The following PRKCB variants were observed in gnomAD, a reference collection of about 807,000 sequenced individuals.
PRKCB encodes protein kinase C beta.
In PRKCB, 13 loss-of-function variants were observed where a neutral mutation model predicts 81.5. That is an observed-to-expected ratio of 0.16 (90% CI 0.10 to 0.25). PRKCB has a LOEUF of 0.25. PRKCB is among the 10% of genes least tolerant of loss of function. The probability of loss-of-function intolerance (pLI) is 1.00; values close to 1 mark genes in which losing one functional copy is unlikely to be tolerated. For missense variants in PRKCB, 509 were observed against 875.7 expected, an observed-to-expected ratio of 0.58 and a Z score of 5.29; for synonymous variants, 335 against 321.4, an observed-to-expected ratio of 1.04 and a Z score of -0.45.
intron 2 of PRKCB, among the ~76,000 whole-genome samples, chr16:23,948,820 T>A (rs778454258): frequency 6.6e-6 from 1 of 152,214 alleles, no homozygotes; most frequent in Non-Finnish European, 1.5e-5. Context: ...CCACTGTCGA[T>A]AAGTGGAGGC....
intron 2 of PRKCB, among the ~76,000 whole-genome samples, chr16:23,945,468 C>G (rs556371452): frequency 6.6e-6 from 1 of 152,246 alleles, no homozygotes; most frequent in Non-Finnish European, 1.5e-5. Flanking sequence ...GCCGGCAGCC[C>G]TTCTGGAGGG....
intron 2 of PRKCB, among the ~76,000 whole-genome samples, chr16:23,863,226 ATG>A (rs1419186282): frequency 2.7e-5 from 2 of 72,742 alleles, no homozygotes; most frequent in Non-Finnish European, 6.0e-5. Context: ...ATACATATAT[ATG>A]TGTATATATA....
intron 13 of PRKCB, among the ~76,000 whole-genome samples, chr16:24,182,464 T>A (rs1967640777): frequency 6.6e-6 from 1 of 152,120 alleles, no homozygotes; most frequent in South Asian, 2.1e-4. Flanking sequence ...GAGGCTGCAG[T>A]AAGCAGTGAT....
chr16:24,092,185 C>T (rs1010686190), intron 5 of PRKCB, among the ~76,000 whole-genome samples: 1 of 152,200 alleles, frequency 6.6e-6, no homozygotes, highest in African/African-American at 2.4e-5. Context: ...TTCCCTTTCC[C>T]TCCAGCCTCT....
chr16:24,140,404 GC>G (rs1966887229), intron 9 of PRKCB, among the ~76,000 whole-genome samples: 1 of 152,152 alleles, frequency 6.6e-6, no homozygotes, highest in African/African-American at 2.4e-5. Flanking sequence ...CCCAGATAGA[GC>G]CGATTTCTCA....
intron 4 of PRKCB, among the ~76,000 whole-genome samples, chr16:24,034,310 G>A (rs1026619154): frequency 1.3e-5 from 2 of 152,178 alleles, no homozygotes; most frequent in Non-Finnish European, 2.9e-5. Context: ...TGGGTGGTCT[G>A]AGAAGGGTCC....
chr16:24,158,574 A>G (rs1967203639), intron 10 of PRKCB, among the ~76,000 whole-genome samples: 1 of 150,530 alleles, frequency 6.6e-6, no homozygotes, highest in Non-Finnish European at 1.5e-5. Context: ...ATGTATATGT[A>G]TATGTATATG....
intron 1 of PRKCB, among the ~76,000 whole-genome samples, chr16:23,836,772 G>GGGA (rs1962168591): frequency 6.6e-6 from 1 of 151,402 alleles, no homozygotes; most frequent in South Asian, 2.1e-4. Flanking sequence ...TGTTTCCGGG[G>GGGA]GGGGCGGCGC....
At chr16:23,836,734 G>A (rs1471743365) in intron 1 of PRKCB, among the ~76,000 whole-genome samples, 1 of 150,542 alleles carries the variant, frequency 6.6e-6, no homozygotes, top group Non-Finnish European at 1.5e-5. Context: ...CTGCTTCCGG[G>A]CGCGAGGAGC....
chr16:23,957,351 G>A (rs1356472317), intron 2 of PRKCB, among the ~76,000 whole-genome samples: 1 of 152,190 alleles, frequency 6.6e-6, no homozygotes, highest in African/African-American at 2.4e-5. Context: ...TAGTAAATGT[G>A]TAGCCCATAA....
chr16:23,849,803 A>G (rs1163689291), intron 2 of PRKCB, among the ~76,000 whole-genome samples: 1 of 152,246 alleles, frequency 6.6e-6, no homozygotes, highest in Non-Finnish European at 1.5e-5. Flanking sequence ...ACTAATTAAT[A>G]TAACCATCAG....
intron 5 of PRKCB, among the ~76,000 whole-genome samples, chr16:24,066,804 A>G (rs1966040964): frequency 6.6e-6 from 1 of 152,230 alleles, no homozygotes; most frequent in Non-Finnish European, 1.5e-5. Context: ...TAGAATGTCC[A>G]TCCACTTGGG....
At chr16:24,100,890 G>A (rs1966498204) in intron 7 of PRKCB, among the ~76,000 whole-genome samples, 1 of 152,148 alleles carries the variant, frequency 6.6e-6, no homozygotes. Flanking sequence ...GCTGATTGGT[G>A]GGTTGAGAGT....
intron 2 of PRKCB, among the ~76,000 whole-genome samples, chr16:23,973,343 G>A (rs748133877): frequency 1.6e-4 from 25 of 151,966 alleles, no homozygotes; most frequent in African/African-American, 2.7e-4. Flanking sequence ...CACCACGCCC[G>A]GCTAATTTTT....
intron 2 of PRKCB, among the ~76,000 whole-genome samples, chr16:23,887,355 C>A (rs1963220017): frequency 6.6e-6 from 1 of 152,154 alleles, no homozygotes; most frequent in Non-Finnish European, 1.5e-5. Flanking sequence ...CCTTCTCTCC[C>A]TCCTTTCCGA....
chr16:24,021,121 C>CTTTT (rs1965379448), intron 3 of PRKCB, among the ~76,000 whole-genome samples: 8 of 136,352 alleles, frequency 5.9e-5, no homozygotes, highest in Non-Finnish European at 9.4e-5. Flanking sequence ...CTCTCTCTTT[C>CTTTT]TTTCTTTCCT....
chr16:23,839,220 G>C (rs997743388), intron 2 of PRKCB, among the ~76,000 whole-genome samples: 4 of 150,972 alleles, frequency 2.6e-5, no homozygotes, highest in Admixed American at 6.6e-5. Context: ...CTGATGTTAA[G>C]AGAAAAAGGC....
intron 5 of PRKCB, among the ~76,000 whole-genome samples, chr16:24,089,383 G>A (rs750778093): frequency 1.2e-4 from 18 of 152,114 alleles, no homozygotes; most frequent in African/African-American, 3.1e-4. Context: ...GGAAGGGTTC[G>A]AGTAAACATC....
intron 2 of PRKCB, among the ~76,000 whole-genome samples, chr16:23,967,695 T>C (rs1567328926): frequency 6.6e-6 from 1 of 152,094 alleles, no homozygotes; most frequent in Non-Finnish European, 1.5e-5. Context: ...TTCTGTCACA[T>C]AGGCTGGAGT....
Sources: allele counts gnomAD v4.1 joint callset (sites outside exome capture counted in the v4.1 genomes callset), GRCh38; gene constraint gnomAD v4.1.1; transcripts MANE v1.5; gene names NCBI Gene and HGNC (gene_info 2026-07-23, HGNC 2026-07-21).